DOCK8: variants seen among roughly 807,000 people sequenced by gnomAD.
The protein encoded by DOCK8 is dedicator of cytokinesis 8, also known as dedicator of cytokinesis protein 8.
DOCK8 carries 141 observed loss-of-function variants against 245.6 expected under a neutral mutation model. The ratio of observed to expected loss-of-function variants is 0.57; its 90% confidence interval spans 0.50 to 0.66. The LOEUF (loss-of-function observed/expected upper bound fraction) is 0.66, where lower values mean the gene tolerates loss of function less well. Among genes scored for constraint, DOCK8 ranks in the 30% least tolerant of loss-of-function variants. The probability of loss-of-function intolerance (pLI) is 0.00; values close to 1 mark genes in which losing one functional copy is unlikely to be tolerated. For synonymous variants in DOCK8, 1,168 were observed against 970.2 expected, an observed-to-expected ratio of 1.20 and a Z score of -3.79; for missense variants, 2,965 against 2,603.4, an observed-to-expected ratio of 1.14 and a Z score of -3.02.
intron 26 of DOCK8, among the ~76,000 whole-genome samples, chr9:400,145 CCACCAT>C (rs1301338344): frequency 2.1e-4 from 17 of 79,488 alleles, no homozygotes; most frequent in East Asian, 4.6e-4. Flanking sequence ...ACCACCACCT[CCACCAT>C]CACCACCACC....
intron 1 of DOCK8, among the ~76,000 whole-genome samples, chr9:265,107 T>G (rs2048006628): frequency 6.6e-6 from 1 of 152,156 alleles, no homozygotes; most frequent in South Asian, 2.1e-4. Flanking sequence ...AATTTTTGTA[T>G]TTTTAGTAGA....
intron 41 of DOCK8, 143 bp downstream of exon 41, chr9:441,560 C>G: frequency 7.6e-7 from 1 of 1,318,126 alleles, no homozygotes; most frequent in Non-Finnish European, 1.1e-6. Context: ...CAGAAAAGGG[C>G]TGAAATTCTT....
Position 396,866 on chromosome 9 carries a change from G to A in DOCK8, c.3052G>A (p.Asp1018Asn), listed in dbSNP as rs142910397. 2.2e-4 allele frequency: 363 copies of A among 1,613,978 alleles called. No individual in the cohort carries two copies. Among genetic ancestry groups the A allele is most frequent in the Non-Finnish European group, 2.8e-4 (327 of 1,180,030 alleles). The change falls in exon 25 of 48, where the codon GAT (aspartate) becomes AAT (asparagine). Residue 1018 changes from aspartate to asparagine, a missense_variant. Physicochemically the swap from Asp to Asn is conservative, Grantham distance 23 (BLOSUM62 1). Around this residue, in one of 3 missense-constraint regions of DOCK8, gnomAD observed 2,825 missense variants for 2,453.5 expected, o/e 1.15. Coordinates refer to ENST00000432829, the MANE Select transcript of DOCK8 (RefSeq NM_203447.4). ...GACTCGTTTTTCTGACCGTTTCATG[G>A]ATGACATAACTACTATTGTTAATGT... ...RRTRFSDRFM[D>N]DITTIVNVVT...
intron 16 of DOCK8, among the ~76,000 whole-genome samples, chr9:370,635 C>G (rs925201946): frequency 6.6e-6 from 1 of 152,238 alleles, no homozygotes; most frequent in Non-Finnish European, 1.5e-5. Context: ...GAAGCACAGT[C>G]CGGCTCCCCT....
intron 42 of DOCK8, 87 bp downstream of exon 42, chr9:442,096 G>A (rs969785300): frequency 1.3e-5 from 20 of 1,561,064 alleles, no homozygotes; most frequent in Non-Finnish European, 1.7e-5. Context: ...AACAAATAAA[G>A]AGTTATGGAT....
In DOCK8 at chr9:407,777, T is replaced by C. The variant is rs191602184; in HGVS notation, c.3530+708T>C. Among the ~76,000 whole-genome samples, 26 of 152,298 alleles carry C rather than the reference T, an allele frequency of 1.7e-4. 1 individual carries two copies. The East Asian group carries it at 2.1e-3, about 12-fold the overall frequency. On this transcript the variant is annotated intron_variant, in intron 28 of 47. Transcript: ENST00000432829. ...TCCGTTCAACAATTATTGAATGCCT[T>C]CCATGGGACAGACACAGTTAGGTGT...
At chr9:224,976 T>A (rs589627) in intron 1 of DOCK8, among the ~76,000 whole-genome samples, 1 of 152,122 alleles carries the variant, frequency 6.6e-6, no homozygotes, top group East Asian at 1.9e-4. Flanking sequence ...TATCTTACTC[T>A]TTCATTCCAA....
chr9:360,174 G>T (rs1042470970), intron 14 of DOCK8, among the ~76,000 whole-genome samples: 1 of 151,742 alleles, frequency 6.6e-6, no homozygotes, highest in Non-Finnish European at 1.5e-5. Context: ...AAATTAGCCG[G>T]GCCTGGTAGC....
intron 2 of DOCK8, among the ~76,000 whole-genome samples, chr9:278,989 C>T (rs1032410974): frequency 4.6e-5 from 7 of 152,072 alleles, no homozygotes; most frequent in Admixed American, 3.3e-4. Context: ...GAAGATGTCA[C>T]GGTAACTCAG....
At chr9:370,561 G>A (rs562110952) in intron 16 of DOCK8, among the ~76,000 whole-genome samples, 1 of 152,182 alleles carries the variant, frequency 6.6e-6, no homozygotes, top group African/African-American at 2.4e-5. Context: ...GATGCAAAGA[G>A]GTTGTATTAC....
At chr9:444,062 G>A (rs1017804905) in intron 43 of DOCK8, among the ~76,000 whole-genome samples, 1 of 152,116 alleles carries the variant, frequency 6.6e-6, no homozygotes, top group Non-Finnish European at 1.5e-5. Flanking sequence ...CTGTGCTGTT[G>A]GGGGAATGGT....
At chr9:246,261 C>T (rs1404941612) in intron 1 of DOCK8, among the ~76,000 whole-genome samples, 5 of 151,904 alleles carry the variant, frequency 3.3e-5, no homozygotes, top group African/African-American at 1.2e-4. Context: ...TTGCTCATGC[C>T]TATAATCCCA....
At chr9:248,094 G>A (rs536334425) in intron 1 of DOCK8, among the ~76,000 whole-genome samples, 1 of 152,174 alleles carries the variant, frequency 6.6e-6, no homozygotes, top group Admixed American at 6.5e-5. Flanking sequence ...CAGAGAGTCT[G>A]ATAATTTGGT....
At chr9:416,805 A>G (rs776694626) in intron 29 of DOCK8, among the ~76,000 whole-genome samples, 6 of 152,260 alleles carry the variant, frequency 3.9e-5, no homozygotes, top group African/African-American at 1.4e-4. Context: ...GAGAACTTCT[A>G]TAAAAGCATT....
chr9:453,881 C>T (rs2057543369), intron 46 of DOCK8, among the ~76,000 whole-genome samples: 1 of 151,924 alleles, frequency 6.6e-6, no homozygotes, highest in Non-Finnish European at 1.5e-5. Flanking sequence ...TTGACTATGC[C>T]CCAGGACCTC....
At chr9:339,934 T>A (rs1001980678) in intron 13 of DOCK8, among the ~76,000 whole-genome samples, 1 of 152,254 alleles carries the variant, frequency 6.6e-6, no homozygotes, top group African/African-American at 2.4e-5. Context: ...ATCCATTCCT[T>A]CTCATTTTAC....
chr9:258,726 T>C (rs1300790611), intron 1 of DOCK8, among the ~76,000 whole-genome samples: 1 of 151,042 alleles, frequency 6.6e-6, no homozygotes, highest in Non-Finnish European at 1.5e-5. Flanking sequence ...GCCTCCCGAG[T>C]ATCTGGGATT....
chr9:221,780 C>T (rs1312528196), intron 1 of DOCK8, among the ~76,000 whole-genome samples: 2 of 151,480 alleles, frequency 1.3e-5, no homozygotes, highest in African/African-American at 4.9e-5. Flanking sequence ...CGAGATCGCA[C>T]CACTGCACTC....
At chr9:231,461 G>A (rs1055143104) in intron 1 of DOCK8, among the ~76,000 whole-genome samples, 3 of 152,088 alleles carry the variant, frequency 2.0e-5, no homozygotes, top group Admixed American at 1.3e-4. Context: ...AGCTTGATGC[G>A]GATGGCTTGA....
Sources: allele counts gnomAD v4.1 joint callset (sites outside exome capture counted in the v4.1 genomes callset), GRCh38; gene constraint gnomAD v4.1.1; regional missense constraint gnomAD v4.1.1; transcripts MANE v1.5; gene names NCBI Gene and HGNC (gene_info 2026-07-23, HGNC 2026-07-21).